The following PPM1E variants were observed in gnomAD, a reference collection of about 807,000 sequenced individuals.
PPM1E encodes the protein protein phosphatase 1E.
Under a neutral mutation model 65.9 loss-of-function variants are expected in PPM1E, and 20 were observed. The observed-to-expected ratio is 0.30, with a 90% CI of 0.21 to 0.44. The LOEUF is 0.44. PPM1E is among the 20% of genes least tolerant of loss of function. The probability of loss-of-function intolerance (pLI) is 1.00; values close to 1 mark genes in which losing one functional copy is unlikely to be tolerated. For missense variants in PPM1E, 713 were observed against 953.1 expected (o/e 0.75, Z 3.32); for synonymous variants, 352 against 374.9 (o/e 0.94, Z 0.70).
At chr17:58,852,313 G>T (rs1325592984) in intron 1 of PPM1E, among the ~76,000 whole-genome samples, 1 of 152,156 alleles carries the variant, frequency 6.6e-6, no homozygotes, top group Non-Finnish European at 1.5e-5. Context: ...ACCTCAGTTG[G>T]AAATGCAGAA....
intron 1 of PPM1E, among the ~76,000 whole-genome samples, chr17:58,893,178 C>A (rs1309587987): frequency 1.3e-5 from 2 of 152,190 alleles, no homozygotes; most frequent in Admixed American, 6.5e-5. Context: ...CAACTTTATT[C>A]ATAATTATCA....
At chr17:58,805,990 CAA>C (rs1168126201) in intron 1 of PPM1E, among the ~76,000 whole-genome samples, 2 of 71,364 alleles carry the variant, frequency 2.8e-5, no homozygotes, top group African/African-American at 6.5e-5. Flanking sequence ...AAAAACAAAA[CAA>C]AACAAAACAA....
chr17:58,955,943 G>C (rs981535243), intron 2 of PPM1E, among the ~76,000 whole-genome samples, 176 bp downstream of exon 2: 1 of 152,100 alleles, frequency 6.6e-6, no homozygotes, highest in Non-Finnish European at 1.5e-5. Flanking sequence ...AAAAGGAAGG[G>C]AAGAAGAGAA....
intron 1 of PPM1E, among the ~76,000 whole-genome samples, chr17:58,908,636 C>T (rs1018469575): frequency 3.3e-5 from 5 of 151,254 alleles, no homozygotes; most frequent in East Asian, 2.0e-4. Context: ...GATGGGGTTT[C>T]GCCATGTTGG....
chr17:58,856,790 T>A (rs189683102), intron 1 of PPM1E, among the ~76,000 whole-genome samples: 15 of 152,322 alleles, frequency 9.8e-5, no homozygotes, highest in Admixed American at 9.8e-4. Flanking sequence ...CATCTAGATC[T>A]GGAATTTCTC....
intron 1 of PPM1E, among the ~76,000 whole-genome samples, chr17:58,816,011 T>C (rs2050411289): frequency 6.6e-6 from 1 of 152,064 alleles, no homozygotes; most frequent in South Asian, 2.1e-4. Flanking sequence ...GCAGATAGAA[T>C]GTGTATAATA....
At chr17:58,809,534 C>T (rs569745412) in intron 1 of PPM1E, among the ~76,000 whole-genome samples, 8 of 152,284 alleles carry the variant, frequency 5.3e-5, no homozygotes, top group African/African-American at 1.9e-4. Context: ...TAGACATGCT[C>T]CACAAGGCTG....
chr17:58,972,856 C>G lies in PPM1E; in HGVS notation c.1141C>G (p.Leu381Val). ...REDEKQRIEA[L>V]GGCVVWFGAW... Reference sequence around the variant, plus strand: ...GGATGAAAAGCAGAGAATTGAGGCCCTTGGAGGTTGCGTAGTCTGGTTTGG... The same window carrying G: ...GGATGAAAAGCAGAGAATTGAGGCCGTTGGAGGTTGCGTAGTCTGGTTTGG... Residue 381 changes from leucine (L) to valine (V), a missense_variant, in exon 6 of 7, where the codon CTT becomes GTT. This residue lies in a region of PPM1E where 88 missense variants were observed against 231.1 expected (regional missense o/e 0.38). Coordinates refer to ENST00000308249, the MANE Select transcript of PPM1E (RefSeq NM_014906.5). The G allele has an allele frequency of 6.2e-7, 1 of 1,613,068 alleles. No homozygotes were observed. Among genetic ancestry groups the G allele is most frequent in the Non-Finnish European group, 8.5e-7 (1 of 1,179,212 alleles).
At chr17:58,948,855 A>T (rs1183989555) in intron 1 of PPM1E, among the ~76,000 whole-genome samples, 2 of 152,146 alleles carry the variant, frequency 1.3e-5, no homozygotes, top group Non-Finnish European at 2.9e-5. Flanking sequence ...TTCTAGTTTT[A>T]TTCCATAGTC....
In PPM1E at chr17:58,980,915, A is replaced by C. The variant is rs753181254; in HGVS notation, c.2152A>C (p.Ser718Arg). Residue 718 changes from serine to arginine, a missense_variant, in exon 7 of 7, where the codon AGT (serine) becomes CGT (arginine). Ser to Arg is a moderately radical substitution (Grantham distance 110, BLOSUM62 -1). Around this residue, in one of 6 missense-constraint regions of PPM1E, gnomAD observed 286 missense variants for 313.8 expected, o/e 0.91. Coordinates refer to ENST00000308249, the MANE Select transcript of PPM1E (RefSeq NM_014906.5). This position sits in a 1 kb window ranked among gnomAD's most constrained non-coding sequence, Gnocchi z 4.7. ...TGSGKRNRIR[S>R]SLPWRQNSWK... ...AAGTGGGAAGAGAAATAGGATAAGA[A>C]GTTCTCTGCCATGGAGGCAAAATAG... The C allele has an allele frequency of 1.8e-5, 29 of 1,614,088 alleles. No homozygotes were observed. Among genetic ancestry groups the C allele is most frequent in the Non-Finnish European group, 2.3e-5 (27 of 1,180,014 alleles).
intron 1 of PPM1E, among the ~76,000 whole-genome samples, chr17:58,810,945 C>T (rs932903532): frequency 7.9e-5 from 12 of 151,964 alleles, no homozygotes; most frequent in Non-Finnish European, 8.8e-5. Flanking sequence ...GCAACTTCCA[C>T]CTCCCGGGTT....
intron 1 of PPM1E, among the ~76,000 whole-genome samples, chr17:58,927,214 C>T (rs2051834604): frequency 6.6e-6 from 1 of 150,936 alleles, no homozygotes; most frequent in South Asian, 2.1e-4. Flanking sequence ...GCAAGCTCCA[C>T]CTCCTGGGTT....
intron 1 of PPM1E, among the ~76,000 whole-genome samples, chr17:58,835,091 A>T (rs986348403): frequency 1.1e-4 from 16 of 152,190 alleles, no homozygotes; most frequent in Admixed American, 9.2e-4. Context: ...CTATAATCCC[A>T]GCACTTTGAG....
At chr17:58,965,522 G>C (rs557360341) in intron 2 of PPM1E, among the ~76,000 whole-genome samples, 172 bp from the exon 3 acceptor site, 14 of 152,118 alleles carry the variant, frequency 9.2e-5, no homozygotes, top group Non-Finnish European at 1.6e-4. Context: ...CCACTAGATA[G>C]GTTGTGATTT....
At chr17:58,931,597 G>GA (rs1342475599) in intron 1 of PPM1E, among the ~76,000 whole-genome samples, 2 of 151,432 alleles carry the variant, frequency 1.3e-5, no homozygotes, top group African/African-American at 4.8e-5. Flanking sequence ...AATGATTCCA[G>GA]AAAAAAAGAA....
At chr17:58,947,052 A>G (rs2143619027) in intron 1 of PPM1E, among the ~76,000 whole-genome samples, 1 of 149,508 alleles carries the variant, frequency 6.7e-6, no homozygotes, top group East Asian at 2.0e-4. Context: ...GTGGATATCC[A>G]ATTTTTCCAG....
At chr17:58,864,695 T>C (rs1413726797) in intron 1 of PPM1E, among the ~76,000 whole-genome samples, 1 of 151,162 alleles carries the variant, frequency 6.6e-6, no homozygotes, top group Admixed American at 6.6e-5. Flanking sequence ...CCCAGCACTT[T>C]GAGAGGCAGA....
chr17:58,975,760 G>A (rs747060334), intron 6 of PPM1E, among the ~76,000 whole-genome samples: 2 of 152,178 alleles, frequency 1.3e-5, no homozygotes, highest in Non-Finnish European at 1.5e-5. Flanking sequence ...AGGTGAATAC[G>A]CAGAGGGGCC....
At chr17:58,777,933 T>C (rs545050954) in intron 1 of PPM1E, among the ~76,000 whole-genome samples, 2 of 152,024 alleles carry the variant, frequency 1.3e-5, no homozygotes, top group South Asian at 2.1e-4. Flanking sequence ...GGTTTGATAT[T>C]GTTGTTGTTG....
Sources: gnomAD v4.1 joint callset for allele counts (sites outside exome capture counted in the v4.1 genomes callset) on GRCh38, gnomAD v4.1.1 for gene constraint, gnomAD v4.1.1 regional missense constraint, Gnocchi (gnomAD v3.1) non-coding constraint, MANE v1.5 for transcripts, NCBI Gene and HGNC (gene_info 2026-07-23, HGNC 2026-07-21) for gene names.